The following FGF2 variants were observed in gnomAD, a reference collection of about 807,000 sequenced individuals.
FGF2 encodes fibroblast growth factor 2, also known as basic fibroblast growth factor bFGF.
Under a neutral mutation model 15.9 loss-of-function variants are expected in FGF2, and 13 were observed. That is an observed-to-expected ratio of 0.82 (90% CI 0.53 to 1.30). FGF2 has a LOEUF of 1.30. Among genes scored for constraint, FGF2 ranks in the 50% most tolerant of loss-of-function variants. FGF2 has a pLI of 0.00. For synonymous variants in FGF2, 90 were observed against 78.4 expected, an observed-to-expected ratio of 1.15 and a Z score of -0.78; for missense variants, 163 against 196.9, an observed-to-expected ratio of 0.83 and a Z score of 1.03.
chr4:122,859,658 A>ACACACACACACG (rs1299989451), intron 1 of FGF2, among the ~76,000 whole-genome samples: 1 of 137,716 alleles, frequency 7.3e-6, no homozygotes, highest in African/African-American at 3.1e-5. Context: ...GTATATACAC[A>ACACACACACACG]CACACACACA....
chr4:122,865,874 T>G (rs927116120), intron 1 of FGF2, among the ~76,000 whole-genome samples: 1 of 152,122 alleles, frequency 6.6e-6, no homozygotes, highest in African/African-American at 2.4e-5. Flanking sequence ...CATACAAAAA[T>G]TAACTCAAAA....
intron 1 of FGF2, among the ~76,000 whole-genome samples, chr4:122,858,255 GA>G (rs1307135245): frequency 6.6e-6 from 1 of 152,146 alleles, no homozygotes; most frequent in Non-Finnish European, 1.5e-5. Context: ...AGTTTACTGA[GA>G]GGGGCAATAT....
chr4:122,862,754 T>G (rs1726498778), intron 1 of FGF2, among the ~76,000 whole-genome samples: 1 of 152,226 alleles, frequency 6.6e-6, no homozygotes, highest in African/African-American at 2.4e-5. Context: ...AATTTTGTAG[T>G]TTAGAGCTTT....
intron 1 of FGF2, among the ~76,000 whole-genome samples, chr4:122,863,103 T>C (rs1260555765): frequency 2.0e-5 from 3 of 152,198 alleles, no homozygotes; most frequent in Non-Finnish European, 1.5e-5. Context: ...ATGTGAACAT[T>C]CTTATAACTG....
intron 1 of FGF2, among the ~76,000 whole-genome samples, chr4:122,831,051 A>G (rs1725756380): frequency 1.3e-5 from 2 of 152,176 alleles, no homozygotes; most frequent in African/African-American, 4.8e-5. Context: ...CCCCAAGCAT[A>G]AAAACATGGA....
At chr4:122,883,428 T>G (rs2150787792) in intron 2 of FGF2, among the ~76,000 whole-genome samples, 1 of 152,346 alleles carries the variant, frequency 6.6e-6, no homozygotes, top group East Asian at 1.9e-4. Context: ...TTTCCTTTCC[T>G]TTTGAAGCTA....
At chr4:122,879,574 T>G (rs1387630364) in intron 2 of FGF2, among the ~76,000 whole-genome samples, 1 of 152,234 alleles carries the variant, frequency 6.6e-6, no homozygotes, top group Non-Finnish European at 1.5e-5. Flanking sequence ...GATTAGAAGA[T>G]GCAGTAACCT....
At chr4:122,882,016 A>C (rs1183724570) in intron 2 of FGF2, 1 of 152,188 alleles carries the variant, frequency 6.6e-6, no homozygotes, top group Admixed American at 6.6e-5. Flanking sequence ...GTGCAGGGGG[A>C]CTCTTCTTTA....
chr4:122,858,777 T>C (rs572107976), intron 1 of FGF2, among the ~76,000 whole-genome samples: 1 of 152,262 alleles, frequency 6.6e-6, no homozygotes, highest in African/African-American at 2.4e-5. Context: ...GTCTTCAGCA[T>C]TGGATTGGAT....
intron 1 of FGF2, among the ~76,000 whole-genome samples, chr4:122,854,059 A>T (rs1026011644): frequency 2.0e-5 from 3 of 152,196 alleles, no homozygotes; most frequent in African/African-American, 7.2e-5. Context: ...TCTTCTGTAG[A>T]TAGAGCATAG....
At chr4:122,876,228 CT>C (rs1726842793) in intron 1 of FGF2, 92 bp from the exon 2 acceptor site, 7 of 799,296 alleles carry the variant, frequency 8.8e-6, no homozygotes, top group Non-Finnish European at 1.3e-5. Flanking sequence ...TTAGTTGTTG[CT>C]TAGGTGTGTT....
At chr4:122,865,240 T>A (rs1726547338) in intron 1 of FGF2, among the ~76,000 whole-genome samples, 1 of 152,126 alleles carries the variant, frequency 6.6e-6, no homozygotes, top group South Asian at 2.1e-4. Context: ...CTAGAAATAT[T>A]TTCTAAATTT....
chr4:122,875,865 T>G (rs965646577), intron 1 of FGF2, among the ~76,000 whole-genome samples: 123 of 152,322 alleles, frequency 8.1e-4, no homozygotes, highest in African/African-American at 2.8e-3. Context: ...TTTGTTTCAT[T>G]TGTGAAGAAT....
At chr4:122,884,158 A>G (rs749364012) in intron 2 of FGF2, among the ~76,000 whole-genome samples, 2 of 152,246 alleles carry the variant, frequency 1.3e-5, no homozygotes, top group African/African-American at 2.4e-5. Flanking sequence ...TTTATAACTC[A>G]ATCTTAAAAC....
chr4:122,880,760 A>G (rs1003934070), intron 2 of FGF2, among the ~76,000 whole-genome samples: 4 of 152,080 alleles, frequency 2.6e-5, no homozygotes, highest in African/African-American at 9.7e-5. Context: ...CAGTAGATCT[A>G]CCATTCTGGG....
chr4:122,898,122 G>T lies in FGF2; in HGVS notation c.*5726G>T. On this transcript the variant is annotated 3_prime_UTR_variant, in exon 3 of 3. Transcript: ENST00000644866. The stretch of plus-strand genomic sequence containing the variant: ...ATTTCCTATATTGTATTTCTAATCA[G>T]ATGTATTACTCTTATTATTTCTATT... The T allele has an allele frequency of 6.4e-6, 1 of 156,770 alleles. No homozygotes were observed. The highest frequency in any genetic ancestry group is 1.4e-5 in the Non-Finnish European group (1 of 70,920). 9.7% of individuals were successfully genotyped at this position (156,770 alleles called of 1,614,324 possible). A position where few individuals can be genotyped will look rare whatever the true frequency, so the allele number is the denominator to read the frequency against.
rs752901052 is a variant in FGF2, at chr4:122,827,223, G to A, written c.49G>A (p.Gly17Ser). The A allele has an allele frequency of 3.1e-6, 5 of 1,610,878 alleles. No homozygotes were observed. The highest frequency in any genetic ancestry group is 4.2e-6 in the Non-Finnish European group (5 of 1,179,286). Reference protein sequence around the residue: ...TTLPALPEDGGSGAFPPGHFK... With the variant: ...TTLPALPEDGSSGAFPPGHFK... ...GCTGCCCGCCTTGCCCGAGGATGGC[G>A]GCAGCGGCGCCTTCCCGCCCGGCCA... The change falls in exon 1 of 3, where the codon GGC (glycine) becomes AGC (serine). Residue 17 changes from glycine (G) to serine (S), a missense_variant. By Grantham distance (56) the Gly-to-Ser change is moderately conservative. Transcript: ENST00000644866. This position sits in a 1 kb window ranked among gnomAD's most constrained non-coding sequence, Gnocchi z 4.2.
chr4:122,848,447 C>A (rs575649927), intron 1 of FGF2, among the ~76,000 whole-genome samples: 8 of 152,210 alleles, frequency 5.3e-5, no homozygotes, highest in Admixed American at 5.2e-4. Flanking sequence ...TCACAGTGAT[C>A]GTGATGTGGA....
Position 122,893,018 on chromosome 4 carries a change from A to G in FGF2, c.*622A>G, listed in dbSNP as rs1166362770. On this transcript the variant is annotated 3_prime_UTR_variant, in exon 3 of 3. Coordinates refer to ENST00000644866, the MANE Select transcript of FGF2 (RefSeq NM_001361665.2). ...GGGAGTTGTATTTTCAGTCTTCGCC[A>G]GGTCATTGAGATCCATCCACTCACA... 10 of 1,614,174 alleles carry G rather than the reference A, an allele frequency of 6.2e-6. No homozygotes were observed. The highest frequency in any genetic ancestry group is 8.5e-6 in the Non-Finnish European group (10 of 1,180,040).
Sources: gnomAD v4.1 joint callset for allele counts (sites outside exome capture counted in the v4.1 genomes callset) on GRCh38, gnomAD v4.1.1 for gene constraint, Gnocchi (gnomAD v3.1) non-coding constraint, MANE v1.5 for transcripts, NCBI Gene and HGNC (gene_info 2026-07-23, HGNC 2026-07-21) for gene names.